The following FGF10 variants were observed in gnomAD, a reference collection of about 807,000 sequenced individuals.
FGF10 encodes fibroblast growth factor 10.
FGF10 carries 2 observed loss-of-function variants against 19.8 expected under a neutral mutation model. The observed-to-expected ratio is 0.10, with a 90% CI of 0.04 to 0.32. The LOEUF is 0.32. FGF10 is among the 10% of genes least tolerant of loss of function. The pLI is 1.00. For missense variants in FGF10, 191 were observed against 246.3 expected (o/e 0.78, Z 1.50); for synonymous variants, 112 against 94.0 (o/e 1.19, Z -1.10).
intron 1 of FGF10, among the ~76,000 whole-genome samples, chr5:44,328,089 T>G (rs1458937807): frequency 2.0e-5 from 3 of 152,224 alleles, no homozygotes; most frequent in African/African-American, 7.2e-5. Flanking sequence ...TTTGTTTTGT[T>G]TTTTTCCTTT....
intron 1 of FGF10, among the ~76,000 whole-genome samples, chr5:44,380,840 C>T (rs1741968877): frequency 6.6e-6 from 1 of 152,100 alleles, no homozygotes; most frequent in East Asian, 1.9e-4. Flanking sequence ...CAAAAATCAG[C>T]AAATTATCCA....
chr5:44,317,888 A>C (rs1407656906), intron 1 of FGF10, among the ~76,000 whole-genome samples: 1 of 152,174 alleles, frequency 6.6e-6, no homozygotes, highest in African/African-American at 2.4e-5. Context: ...CACAAATGAC[A>C]CGTGTCTAGG....
intron 1 of FGF10, among the ~76,000 whole-genome samples, chr5:44,372,093 A>C (rs942552603): frequency 1.3e-5 from 2 of 152,140 alleles, no homozygotes; most frequent in African/African-American, 4.8e-5. Context: ...ATTCTCTCAC[A>C]GTTCTGGAGG....
At chr5:44,362,172 T>C (rs1273358646) in intron 1 of FGF10, among the ~76,000 whole-genome samples, 1 of 151,708 alleles carries the variant, frequency 6.6e-6, no homozygotes, top group African/African-American at 2.4e-5. Context: ...GACTAGTTAC[T>C]CCTTAATTCT....
intron 1 of FGF10, among the ~76,000 whole-genome samples, chr5:44,354,111 G>A (rs1368174821): frequency 1.3e-5 from 2 of 151,180 alleles, no homozygotes; most frequent in African/African-American, 4.8e-5. Context: ...ATATCAAAAT[G>A]TTCCCTTTTC....
In FGF10 at chr5:44,325,180, G is replaced by A. The variant is rs559981909; in HGVS notation, c.326-14650C>T. On this transcript the variant is annotated intron_variant, in intron 1 of 2. Transcript: ENST00000264664. ...CAGAGAAATGCAAATCAAAACCACA[G>A]TGAGATACCATCTCACACGAGTTAG... 2.4e-3 allele frequency among the ~76,000 whole-genome samples: 367 copies of A among 152,222 alleles called. 3 individuals are homozygous for A. Among genetic ancestry groups the A allele is most frequent in the Non-Finnish European group, 5.4e-4 (37 of 68,018 alleles).
At position 44,303,864 on chromosome 5, in the gene FGF10, G is replaced by A. The variant is rs748819014; in HGVS notation, c.*1131C>T. 1.3e-5 allele frequency: 2 copies of A among 152,176 alleles called. No individual in the cohort carries two copies. The highest frequency in any genetic ancestry group is 2.4e-5 in the African/African-American group (1 of 41,450). 9.4% of individuals were successfully genotyped at this position (152,176 alleles called of 1,614,324 possible). A position where few individuals can be genotyped will look rare whatever the true frequency, so the allele number is the denominator to read the frequency against. ...AAAGATGCATTATGTGGAATTTACA[G>A]AGGGTTTTTAGAGATGTGGACAGCC... On this transcript the variant is annotated 3_prime_UTR_variant, in exon 3 of 3. Transcript: ENST00000264664.
At chr5:44,362,430 T>C (rs1303628364) in intron 1 of FGF10, among the ~76,000 whole-genome samples, 1 of 151,442 alleles carries the variant, frequency 6.6e-6, no homozygotes, top group Non-Finnish European at 1.5e-5. Context: ...TAGCACTCAC[T>C]GTAATGTTAC....
chr5:44,335,934 C>A (rs959121374), intron 1 of FGF10, among the ~76,000 whole-genome samples: 4 of 151,900 alleles, frequency 2.6e-5, no homozygotes, highest in Admixed American at 2.6e-4. Flanking sequence ...ACAAATAGGA[C>A]AATTCTATGG....
chr5:44,359,661 T>C (rs1741430768), intron 1 of FGF10, among the ~76,000 whole-genome samples: 1 of 151,552 alleles, frequency 6.6e-6, no homozygotes, highest in Non-Finnish European at 1.5e-5. Flanking sequence ...CTTTCTTCAG[T>C]GGCTTACTGT....
At chr5:44,327,214 A>G (rs1740635198) in intron 1 of FGF10, among the ~76,000 whole-genome samples, 1 of 152,218 alleles carries the variant, frequency 6.6e-6, no homozygotes, top group South Asian at 2.1e-4. Flanking sequence ...TCCCTGTGAA[A>G]AATCACACTG....
chr5:44,301,008 AC>A lies in FGF10; in HGVS notation c.*3986del, dbSNP rs1294238936. On this transcript the variant is annotated 3_prime_UTR_variant, in exon 3 of 3. Coordinates refer to ENST00000264664, the MANE Select transcript of FGF10 (RefSeq NM_004465.2). The stretch of plus-strand genomic sequence containing the variant: ...AACCAAATAAAACCAATGAAGGGTA[AC>A]AGAAAATGAATGTCTGAGAAGAAGC... Among the ~76,000 whole-genome samples, 3 of 152,134 alleles carry A rather than the reference AC, an allele frequency of 2.0e-5. No homozygotes were observed. The highest frequency in any genetic ancestry group is 2.0e-4 in the Admixed American group (3 of 15,234).
chr5:44,355,150 G>A (rs1417745356), intron 1 of FGF10, among the ~76,000 whole-genome samples: 2 of 151,466 alleles, frequency 1.3e-5, no homozygotes, highest in African/African-American at 2.4e-5. Context: ...TGTATTTAGA[G>A]TTGGAAAAAT....
At chr5:44,367,374 A>G (rs1418968651) in intron 1 of FGF10, among the ~76,000 whole-genome samples, 1 of 152,034 alleles carries the variant, frequency 6.6e-6, no homozygotes, top group Non-Finnish European at 1.5e-5. Flanking sequence ...ACTCTATGGA[A>G]GTTTCCTCTA....
chr5:44,339,202 T>C (rs1214325336), intron 1 of FGF10, among the ~76,000 whole-genome samples: 2 of 152,194 alleles, frequency 1.3e-5, no homozygotes, highest in South Asian at 4.1e-4. Context: ...TAATTATTTT[T>C]ATTTGAAGTC....
At position 44,349,453 on chromosome 5, in the gene FGF10, T is replaced by TCAGAATATATATATATCAGA. The variant is rs1308211947; in HGVS notation, c.325+38904_325+38905insTCTGATATATATATATTCTG. On this transcript the variant is annotated intron_variant, in intron 1 of 2. Coordinates refer to ENST00000264664, the MANE Select transcript of FGF10 (RefSeq NM_004465.2). Reference sequence around the variant, plus strand: ...ATATATATATATATATATATATATATATATATATATATATATCAGAATATA... The same window carrying TCAGAATATATATATATCAGA: ...ATATATATATATATATATATATATATCAGAATATATATATATCAGAATATATATATATATATCAGAATATA... Among the ~76,000 whole-genome samples, 4 of 23,060 alleles carry TCAGAATATATATATATCAGA rather than the reference T, an allele frequency of 1.7e-4. 1 individual carries two copies. In the Admixed American group the frequency reaches 1.8e-3, roughly 10 times the overall value. 15.1% of individuals were successfully genotyped at this position (23,060 alleles called of 152,430 possible).
intron 1 of FGF10, among the ~76,000 whole-genome samples, chr5:44,341,877 A>G (rs6451761): frequency 0.66 from 100,322 of 151,752 alleles, 33,366 homozygotes; most frequent in South Asian, 0.71. Flanking sequence ...TAAGTAATAC[A>G]TTATTTAAGG....
Position 44,301,642 on chromosome 5 carries a change from T to C in FGF10, c.*3353A>G, listed in dbSNP as rs1349990467. 6.6e-6 allele frequency among the ~76,000 whole-genome samples: 1 copy of C among 152,206 alleles called. No homozygotes were observed. The highest frequency in any genetic ancestry group is 1.5e-5 in the Non-Finnish European group (1 of 68,040). On this transcript the variant is annotated 3_prime_UTR_variant, in exon 3 of 3. Transcript: ENST00000264664. ...GGTGGACCTGAATATTTAGAAAAGATTGAAAGCATTTGGTTGTTATTAGAG... is the reference window on the plus strand; with the variant it reads ...GGTGGACCTGAATATTTAGAAAAGACTGAAAGCATTTGGTTGTTATTAGAG...
chr5:44,324,412 T>G (rs994279926), intron 1 of FGF10, among the ~76,000 whole-genome samples: 1 of 152,244 alleles, frequency 6.6e-6, no homozygotes, highest in South Asian at 2.1e-4. Flanking sequence ...AGAAAAACAT[T>G]ACCTTAAACT....
Sources: gnomAD v4.1 joint callset for allele counts (sites outside exome capture counted in the v4.1 genomes callset) on GRCh38, gnomAD v4.1.1 for gene constraint, MANE v1.5 for transcripts, NCBI Gene and HGNC (gene_info 2026-07-23, HGNC 2026-07-21) for gene names.